The following RIMS2 variants were observed in gnomAD, a reference collection of about 807,000 sequenced individuals.
RIMS2 encodes the protein regulating synaptic membrane exocytosis protein 2.
Under a neutral mutation model 174.4 loss-of-function variants are expected in RIMS2, and 59 were observed. The observed-to-expected ratio is 0.34, with a 90% CI of 0.27 to 0.42. The LOEUF (loss-of-function observed/expected upper bound fraction) is 0.42. Among genes scored for constraint, RIMS2 ranks in the 10% least tolerant of loss-of-function variants. RIMS2 has a pLI of 1.00. For missense variants in RIMS2, 1,620 were observed against 1,666.3 expected (o/e 0.97, Z 0.48); for synonymous variants, 606 against 572.5 (o/e 1.06, Z -0.84).
At chr8:104,089,427 T>A (rs1405612627) in intron 19 of RIMS2, among the ~76,000 whole-genome samples, 1 of 151,888 alleles carries the variant, frequency 6.6e-6, no homozygotes, top group Non-Finnish European at 1.5e-5. Context: ...TAGTATTAAG[T>A]TGTTTAGTAC....
At chr8:103,872,936 C>T (rs900506212) in intron 3 of RIMS2, among the ~76,000 whole-genome samples, 4 of 152,120 alleles carry the variant, frequency 2.6e-5, no homozygotes, top group African/African-American at 2.4e-5. Context: ...GTGTTTGCCA[C>T]ATTCTGTTTG....
At chr8:103,948,984 G>A (rs1217032670) in intron 14 of RIMS2, among the ~76,000 whole-genome samples, 2 of 150,932 alleles carry the variant, frequency 1.3e-5, no homozygotes, top group Admixed American at 1.3e-4. Flanking sequence ...ATAATTAGCC[G>A]GGTTCAGTGG....
intron 1 of RIMS2, among the ~76,000 whole-genome samples, chr8:103,548,485 C>G (rs1184592909): frequency 6.6e-6 from 1 of 151,538 alleles, no homozygotes; most frequent in East Asian, 1.9e-4. Context: ...ATGTTAAAAA[C>G]TTGCAACAAA....
intron 14 of RIMS2, 140 bp from the exon 17 acceptor site, chr8:103,960,925 C>G: frequency 3.1e-6 from 2 of 641,104 alleles, no homozygotes; most frequent in East Asian, 5.5e-5. Context: ...ACAAAAAGCT[C>G]ATAAGGACTT....
intron 1 of RIMS2, among the ~76,000 whole-genome samples, chr8:103,501,973 A>G (rs144414698): frequency 6.5e-4 from 99 of 152,304 alleles, no homozygotes; most frequent in South Asian, 3.5e-3. Flanking sequence ...AGCGTAGCAA[A>G]GAGATTTGTT....
chr8:104,173,698 G>C (rs2098846473), intron 19 of RIMS2, among the ~76,000 whole-genome samples: 1 of 122,094 alleles, frequency 8.2e-6, no homozygotes. Context: ...GTGCGATCCT[G>C]GCTCACTGCA....
At chr8:104,247,951 G>C (rs2099345210) in intron 20 of RIMS2, among the ~76,000 whole-genome samples, 1 of 152,204 alleles carries the variant, frequency 6.6e-6, no homozygotes, top group Non-Finnish European at 1.5e-5. Flanking sequence ...TCGAGCTCCA[G>C]TGTTTAGTGT....
chr8:104,190,124 A>G (rs1454470083), intron 19 of RIMS2, among the ~76,000 whole-genome samples: 6 of 152,040 alleles, frequency 3.9e-5, no homozygotes, highest in Non-Finnish European at 7.4e-5. Context: ...CAACATAATA[A>G]GACCTTCTCT....
At chr8:104,096,277 C>A (rs1361720637) in intron 19 of RIMS2, among the ~76,000 whole-genome samples, 1 of 152,092 alleles carries the variant, frequency 6.6e-6, no homozygotes, top group African/African-American at 2.4e-5. Flanking sequence ...TGCCTGGAGC[C>A]CAGATCCCAC....
At chr8:103,519,732 A>C (rs959030487) in intron 1 of RIMS2, among the ~76,000 whole-genome samples, 1 of 111,142 alleles carries the variant, frequency 9.0e-6, no homozygotes, top group East Asian at 2.3e-4. Flanking sequence ...TGGCTTTACT[A>C]CTTTTTTTTT....
chr8:104,093,600 A>T (rs775159956), intron 19 of RIMS2: 13 of 1,597,454 alleles, frequency 8.1e-6, no homozygotes, highest in Middle Eastern at 1.6e-4. Flanking sequence ...CACAAGCTAC[A>T]TGTCTGTCCA....
At chr8:104,255,976 A>G (rs549229615), downstream of RIMS2, 8 of 152,318 alleles carry the variant, frequency 5.3e-5, no homozygotes, top group African/African-American at 1.9e-4. Context: ...GTAGATTCTC[A>G]TCTATCATTA....
At chr8:104,098,462 T>C (rs966576019) in intron 19 of RIMS2, among the ~76,000 whole-genome samples, 7 of 152,128 alleles carry the variant, frequency 4.6e-5, no homozygotes, top group African/African-American at 1.7e-4. Flanking sequence ...AAACAAATAC[T>C]GAAAAGCATA....
chr8:103,869,257 G>A (rs35438751), intron 3 of RIMS2, among the ~76,000 whole-genome samples: 19,804 of 150,420 alleles, frequency 0.13, 1,758 homozygotes, highest in Non-Finnish European at 0.2. Flanking sequence ...GTGCAATGGC[G>A]TGATCTCTGC....
chr8:104,132,497 T>G (rs2098481404), intron 19 of RIMS2, among the ~76,000 whole-genome samples: 1 of 152,202 alleles, frequency 6.6e-6, no homozygotes, highest in African/African-American at 2.4e-5. Context: ...TACCTTTTAA[T>G]AGGCCAAATA....
At chr8:103,605,841 G>A (rs1171406269) in intron 1 of RIMS2, among the ~76,000 whole-genome samples, 3 of 151,358 alleles carry the variant, frequency 2.0e-5, no homozygotes, top group East Asian at 3.9e-4. Context: ...CGGATTGGTG[G>A]TGATATCCCC....
In RIMS2 at chr8:104,155,817, CT is replaced by C. The variant is rs369564760; in HGVS notation, c.3335-89096del. On this transcript the variant is annotated intron_variant, in intron 19 of 23. Transcript: ENST00000504942. ...TTTGAAGATGATACCAAGTTTGCAACTTTCACTCCTAGTTAAGCTCTTCATC... is the reference window on the plus strand; with the variant it reads ...TTTGAAGATGATACCAAGTTTGCAACTTCACTCCTAGTTAAGCTCTTCATC... Among the ~76,000 whole-genome samples the C allele has an allele frequency of 2.0e-3, 298 of 152,276 alleles. 1 individual carries two copies. Among genetic ancestry groups the C allele is most frequent in the African/African-American group, 6.6e-3 (274 of 41,564 alleles).
intron 1 of RIMS2, among the ~76,000 whole-genome samples, chr8:103,676,848 G>A (rs921081135): frequency 6.6e-6 from 1 of 152,194 alleles, no homozygotes; most frequent in Middle Eastern, 3.4e-3. Context: ...GCCAGGCATG[G>A]TGGCGCATGC....
chr8:103,575,403 C>A (rs1022033285), intron 1 of RIMS2, among the ~76,000 whole-genome samples: 2 of 151,938 alleles, frequency 1.3e-5, no homozygotes, highest in African/African-American at 4.8e-5. Context: ...ACATATGATA[C>A]CATATGACCC....
Sources: allele counts gnomAD v4.1 joint callset (sites outside exome capture counted in the v4.1 genomes callset), GRCh38; gene constraint gnomAD v4.1.1; transcripts MANE v1.5; gene names NCBI Gene and HGNC (gene_info 2026-07-23, HGNC 2026-07-21).